The following TBC1D22A variants were observed in gnomAD, a reference collection of about 807,000 sequenced individuals.
TBC1D22A encodes putative GTPase activator.
TBC1D22A carries 38 observed loss-of-function variants against 60.2 expected under a neutral mutation model. The observed-to-expected ratio is 0.63, with a 90% CI of 0.49 to 0.83. The LOEUF is 0.83. Among genes scored for constraint, TBC1D22A ranks in the 40% least tolerant of loss-of-function variants. The pLI is 0.00. For synonymous variants in TBC1D22A, 302 were observed against 281.7 expected, an observed-to-expected ratio of 1.07 and a Z score of -0.72; for missense variants, 628 against 701.0, an observed-to-expected ratio of 0.90 and a Z score of 1.18.
chr22:47,032,824 G>A (rs953973792), intron 10 of TBC1D22A, among the ~76,000 whole-genome samples: 3 of 152,216 alleles, frequency 2.0e-5, no homozygotes, highest in Admixed American at 6.5e-5. Context: ...AGACGTCCAC[G>A]CAGAGCTGTG....
chr22:46,913,277 T>C, intron 8 of TBC1D22A: 1 of 1,300,848 alleles, frequency 7.7e-7, no homozygotes, highest in Non-Finnish European at 1.0e-6. Flanking sequence ...TGGTTTTGTC[T>C]TCCTGCAAGC....
At chr22:46,775,160 G>A (rs2083651041) in intron 1 of TBC1D22A, among the ~76,000 whole-genome samples, 2 of 152,234 alleles carry the variant, frequency 1.3e-5, no homozygotes, top group South Asian at 4.1e-4. Context: ...TCTTGGAAAG[G>A]GGGTGGGTCC....
intron 10 of TBC1D22A, among the ~76,000 whole-genome samples, chr22:47,016,975 C>A (rs561085166): frequency 1.3e-5 from 2 of 152,234 alleles, no homozygotes; most frequent in Non-Finnish European, 2.9e-5. Flanking sequence ...TTGTCTGACG[C>A]GCTCAGGCCT....
intron 10 of TBC1D22A, among the ~76,000 whole-genome samples, chr22:47,030,979 G>A (rs750726541): frequency 5.3e-5 from 8 of 152,198 alleles, no homozygotes; most frequent in African/African-American, 1.4e-4. Flanking sequence ...CCACGGAGTC[G>A]TGCTAAGTGA....
intron 4 of TBC1D22A, among the ~76,000 whole-genome samples, chr22:46,804,642 T>C (rs1443407228): frequency 3.3e-5 from 5 of 152,244 alleles, no homozygotes; most frequent in African/African-American, 1.2e-4. Context: ...GAACTACATG[T>C]GATGTCACTT....
intron 4 of TBC1D22A, among the ~76,000 whole-genome samples, chr22:46,840,298 A>C (rs1022026152): frequency 1.3e-5 from 2 of 152,248 alleles, no homozygotes; most frequent in Non-Finnish European, 2.9e-5. Flanking sequence ...AAGTGGGCAA[A>C]GGACCTGAAT....
intron 11 of TBC1D22A, among the ~76,000 whole-genome samples, chr22:47,085,302 A>G (rs1200335815): frequency 1.3e-5 from 2 of 152,206 alleles, no homozygotes; most frequent in East Asian, 1.9e-4. Context: ...ATATATTGAT[A>G]TTAACTCAAT....
In TBC1D22A at chr22:46,878,730, C is replaced by T. The variant is rs113568247; in HGVS notation, c.708+7C>T. The T allele has an allele frequency of 9.3e-6, 15 of 1,612,604 alleles. No individual in the cohort carries two copies. In the African/African-American group the frequency reaches 1.1e-4, roughly 11 times the overall value. ...GACGTGGAAGCTCCTCTCAGTAAGT[C>T]CCACCGCACCGCCCATCAGCGCCTC... On this transcript the variant is annotated splice_region_variant and intron_variant, in intron 5 of 12. Transcript: ENST00000337137.
At chr22:47,151,811 G>A (rs891958366) in intron 12 of TBC1D22A, among the ~76,000 whole-genome samples, 6 of 152,308 alleles carry the variant, frequency 3.9e-5, no homozygotes, top group African/African-American at 9.6e-5. Context: ...CCGGCCTGTC[G>A]GGAAAGAGCA....
At chr22:47,124,998 G>A (rs2066405448) in intron 12 of TBC1D22A, among the ~76,000 whole-genome samples, 1 of 152,084 alleles carries the variant, frequency 6.6e-6, no homozygotes, top group Non-Finnish European at 1.5e-5. Context: ...GGAGGGAGGG[G>A]CAGGGGCTTG....
chr22:46,830,645 A>G (rs1255835305), intron 4 of TBC1D22A, among the ~76,000 whole-genome samples: 1 of 152,224 alleles, frequency 6.6e-6, no homozygotes, highest in Non-Finnish European at 1.5e-5. Flanking sequence ...CCCAACATCA[A>G]TGGGCAGGAA....
At chr22:46,986,706 T>G (rs136123) in intron 9 of TBC1D22A, among the ~76,000 whole-genome samples, 1 of 151,870 alleles carries the variant, frequency 6.6e-6, no homozygotes, top group Non-Finnish European at 1.5e-5. Flanking sequence ...TGGATTGATA[T>G]GCTAGGGGTA....
intron 7 of TBC1D22A, among the ~76,000 whole-genome samples, chr22:46,902,457 ACTT>A (rs1569196357): frequency 6.6e-6 from 1 of 152,376 alleles, no homozygotes; most frequent in Non-Finnish European, 1.5e-5. Context: ...TCCAGTGAGT[ACTT>A]CTTGTTTGAA....
chr22:47,053,774 G>A (rs746215958), intron 11 of TBC1D22A, among the ~76,000 whole-genome samples: 6 of 152,322 alleles, frequency 3.9e-5, no homozygotes, highest in African/African-American at 1.4e-4. Context: ...CGCTCCAGGC[G>A]CTGGTTTGGA....
chr22:47,130,593 A>G (rs904384049), intron 12 of TBC1D22A, among the ~76,000 whole-genome samples: 1 of 152,140 alleles, frequency 6.6e-6, no homozygotes, highest in South Asian at 2.1e-4. Context: ...ATTCGCTGCC[A>G]TGTGACTCTA....
At chr22:47,084,900 A>G (rs1039114856) in intron 11 of TBC1D22A, among the ~76,000 whole-genome samples, 8 of 152,206 alleles carry the variant, frequency 5.3e-5, no homozygotes, top group Non-Finnish European at 7.3e-5. Context: ...GAAGTTACCA[A>G]TCCAGAGGTT....
rs57638769 is a variant in TBC1D22A, at chr22:46,918,776, T to C, written c.1015+6588T>C. Among the ~76,000 whole-genome samples the C allele has an allele frequency of 2.7e-4, 41 of 152,302 alleles. No homozygotes were observed. The East Asian group carries it at 7.7e-3, about 29-fold the overall frequency. On this transcript the variant is annotated intron_variant, in intron 8 of 12. Coordinates refer to ENST00000337137, the MANE Select transcript of TBC1D22A (RefSeq NM_014346.5). ...ATGGGGGCCTGAATGTTTCTGTGCT[T>C]GGGGAAGATTGCACTCAGTGGACCA... is the stretch of plus-strand genomic sequence containing the variant.
chr22:47,042,174 G>GC (rs131886), intron 11 of TBC1D22A, among the ~76,000 whole-genome samples: 9 of 151,848 alleles, frequency 5.9e-5, no homozygotes, highest in African/African-American at 7.3e-5. Flanking sequence ...TTCTATTTCT[G>GC]CCCCCCCCAT....
chr22:46,838,113 A>G (rs1054386280), intron 4 of TBC1D22A, among the ~76,000 whole-genome samples: 8 of 152,222 alleles, frequency 5.3e-5, no homozygotes, highest in African/African-American at 1.9e-4. Flanking sequence ...AAGGAACTAG[A>G]AAAAGAAGAA....
Sources: allele counts gnomAD v4.1 joint callset (sites outside exome capture counted in the v4.1 genomes callset), GRCh38; gene constraint gnomAD v4.1.1; transcripts MANE v1.5; gene names NCBI Gene and HGNC (gene_info 2026-07-23, HGNC 2026-07-21).